Variants in SCAMP4 observed in about 807,000 individuals in gnomAD.
SCAMP4 encodes secretory carrier membrane protein 4, also known as secretory carrier-associated membrane protein 4.
SCAMP4 carries 19 observed loss-of-function variants against 32.1 expected under a neutral mutation model. That is an observed-to-expected ratio of 0.59 (90% CI 0.41 to 0.87). The LOEUF is 0.87. Ranked by LOEUF, SCAMP4 falls within the 40% of genes least tolerant of loss-of-function variation. The pLI, the probability that SCAMP4 is intolerant of heterozygous loss-of-function variation, is 0.00. For missense variants in SCAMP4, 302 were observed against 309.0 expected, an observed-to-expected ratio of 0.98 and a Z score of 0.17; for synonymous variants, 152 against 132.7, an observed-to-expected ratio of 1.15 and a Z score of -1.00.
At chr19:1,911,594 G>A (rs1356404893) in intron 1 of SCAMP4, among the ~76,000 whole-genome samples, 1 of 152,110 alleles carries the variant, frequency 6.6e-6, no homozygotes, top group Non-Finnish European at 1.5e-5. Flanking sequence ...CAGCCTGAAC[G>A]ACGTGGTGAA....
rs979600305 is a variant in SCAMP4 at position 1,924,562 on chromosome 19, T to A, written c.*278T>A. On this transcript the variant is annotated 3_prime_UTR_variant, in exon 7 of 7. Transcript: ENST00000316097. ...CCCGGAAACGTGTGGTCACCCGCCG[T>A]CCACTGCACGGCTGGTACGGCCTTG... 5.8e-5 allele frequency: 28 copies of A among 479,148 alleles called. No homozygotes were observed. In the Admixed American group the frequency reaches 9.2e-4, roughly 16 times the overall value. The allele number at this position is 479,148 out of a possible 1,614,324, so 29.7% of individuals were successfully genotyped here.
chr19:1,910,271 C>T (rs1250233665), intron 1 of SCAMP4, among the ~76,000 whole-genome samples: 6 of 152,208 alleles, frequency 3.9e-5, no homozygotes, highest in Admixed American at 6.5e-5. Flanking sequence ...CAGGCGTTGG[C>T]GGAATTCAGC....
Position 1,918,114 on chromosome 19 carries a change from T to C in SCAMP4, c.137-13T>C. On this transcript the variant is annotated splice_polypyrimidine_tract_variant and intron_variant, in intron 3 of 6. Coordinates refer to ENST00000316097, the MANE Select transcript of SCAMP4 (RefSeq NM_079834.4). The stretch of plus-strand genomic sequence containing the variant: ...CCCGTGCCTGCTCATCCGTCCTCCC[T>C]CTCTCTTCGCAGTTTACTGCGCCAC... The C allele has an allele frequency of 6.2e-7, 1 of 1,603,502 alleles. No individual in the cohort carries two copies.
At chr19:1,921,578 G>A (rs1023246220) in intron 5 of SCAMP4, 8 of 985,328 alleles carry the variant, frequency 8.1e-6, no homozygotes, top group South Asian at 4.7e-5. Context: ...GGGGGCGTGC[G>A]ATGCTGGCCA....
intron 1 of SCAMP4, among the ~76,000 whole-genome samples, chr19:1,907,793 G>A (rs1416226052): frequency 1.3e-5 from 2 of 152,160 alleles, no homozygotes; most frequent in African/African-American, 4.8e-5. Context: ...TGTGGTAGAG[G>A]GAGGGTCAGG....
At chr19:1,920,936 A>AT (rs1568773829) in intron 5 of SCAMP4, 1 of 985,086 alleles carries the variant, frequency 1.0e-6, no homozygotes, top group African/African-American at 1.7e-5. Flanking sequence ...GGCTCTTCTC[A>AT]TTGGAGCCTG....
At chr19:1,907,271 C>T (rs752013973) in intron 1 of SCAMP4, 1 of 151,786 alleles carries the variant, frequency 6.6e-6, no homozygotes, top group Non-Finnish European at 1.5e-5. Context: ...TCCCCTACTT[C>T]CCCAGCCTTC....
chr19:1,910,293 G>A (rs144964189), intron 1 of SCAMP4, among the ~76,000 whole-genome samples: 45 of 152,292 alleles, frequency 3.0e-4, no homozygotes, highest in Non-Finnish European at 4.3e-4. Context: ...GCTTGCGGCC[G>A]GGGGACCAAG....
intron 1 of SCAMP4, chr19:1,913,407 G>A (rs1019932699): frequency 1.2e-5 from 7 of 591,370 alleles, no homozygotes; most frequent in African/African-American, 7.7e-5. Flanking sequence ...CTCGCGGGCC[G>A]GGAAACTGCT....
intron 1 of SCAMP4, chr19:1,912,356 C>G: frequency 3.9e-6 from 6 of 1,530,502 alleles, no homozygotes; most frequent in Non-Finnish European, 5.2e-6. Flanking sequence ...CCGGCAGCCC[C>G]CACGCCCTGG....
intron 5 of SCAMP4, chr19:1,921,703 C>T: frequency 1.0e-6 from 1 of 985,268 alleles, no homozygotes; most frequent in African/African-American, 1.7e-5. Flanking sequence ...AGAGGCCAGG[C>T]ATGGTGGCTG....
chr19:1,912,743 CG>C, intron 1 of SCAMP4: 1 of 1,542,916 alleles, frequency 6.5e-7, no homozygotes, highest in Non-Finnish European at 8.7e-7. Context: ...ACTGCAGCTG[CG>C]CGGACAACCC....
At chr19:1,922,415 A>T (rs1334958915) in intron 5 of SCAMP4, 1 of 689,892 alleles carries the variant, frequency 1.4e-6, no homozygotes, top group East Asian at 1.3e-4. Context: ...TTGTATTTTT[A>T]GTAGAGACGG....
chr19:1,921,308 G>A (rs1217777209), intron 5 of SCAMP4: 2 of 985,334 alleles, frequency 2.0e-6, no homozygotes, highest in Non-Finnish European at 2.4e-6. Flanking sequence ...GGTGACGCAT[G>A]CCCGAGGCCA....
At chr19:1,917,635 G>T in intron 2 of SCAMP4, 59 bp from the exon 3 acceptor site, 1 of 1,607,032 alleles carries the variant, frequency 6.2e-7, no homozygotes, top group Non-Finnish European at 8.5e-7. Context: ...AAGGGATGAG[G>T]TGGGGCCTCC....
At position 1,925,592 on chromosome 19, in the gene SCAMP4, T is replaced by C. The variant is rs1208282295; in HGVS notation, c.*1308T>C. 6.5e-6 allele frequency: 1 copy of C among 153,012 alleles called. No individual in the cohort carries two copies. The highest frequency in any genetic ancestry group is 2.4e-5 in the African/African-American group (1 of 41,448). The allele number at this position is 153,012 out of a possible 1,614,324, so 9.5% of individuals were successfully genotyped here. On this transcript the variant is annotated 3_prime_UTR_variant, in exon 7 of 7. Transcript: ENST00000316097. The stretch of plus-strand genomic sequence containing the variant: ...TTCCTTCATCATTTCCTGCACTCGC[T>C]GACCACAACTTTGGACACCCCAGGC...
In SCAMP4 at chr19:1,924,021, A is replaced by C. The variant is rs556102926; in HGVS notation, c.514-87A>C. On this transcript the variant is annotated intron_variant, in intron 6 of 6. Transcript: ENST00000316097. Reference sequence around the variant, plus strand: ...ACAGTCTGTCTGCCTCGGCCTCCCGAAGTGCTGGGATGACAGGCGTGAGTC... The same window carrying C: ...ACAGTCTGTCTGCCTCGGCCTCCCGCAGTGCTGGGATGACAGGCGTGAGTC... 5.3e-4 allele frequency: 525 copies of C among 999,536 alleles called. 8 individuals are homozygous for C. In the African/African-American group the frequency reaches 6.8e-3, roughly 13 times the overall value. The allele number at this position is 999,536 out of a possible 1,614,324, so 61.9% of individuals were successfully genotyped here.
chr19:1,909,118 T>C (rs552503895), intron 1 of SCAMP4, among the ~76,000 whole-genome samples: 2 of 141,504 alleles, frequency 1.4e-5, no homozygotes, highest in African/African-American at 5.3e-5. Flanking sequence ...AAAAAAAAAA[T>C]GTGGGCTGGG....
chr19:1,920,650 G>T (rs2013890246), intron 5 of SCAMP4: 1 of 985,532 alleles, frequency 1.0e-6, no homozygotes, highest in Non-Finnish European at 1.2e-6. Flanking sequence ...TCCTGCAGAG[G>T]CTGTGGCTGC....
Sources: allele counts gnomAD v4.1 joint callset (sites outside exome capture counted in the v4.1 genomes callset), GRCh38; gene constraint gnomAD v4.1.1; transcripts MANE v1.5; gene names NCBI Gene and HGNC (gene_info 2026-07-23, HGNC 2026-07-21).